Variants in POMT2 observed in about 807,000 individuals in gnomAD.
POMT2 encodes the protein protein O-mannosyltransferase 2.
In POMT2, 75 loss-of-function variants were observed where a neutral mutation model predicts 100.0. The ratio of observed to expected loss-of-function variants is 0.75; its 90% confidence interval spans 0.62 to 0.91. POMT2 has a LOEUF of 0.91. Among genes scored for constraint, POMT2 ranks in the 40% least tolerant of loss-of-function variants. POMT2 has a pLI of 0.00. For missense variants in POMT2, 940 were observed against 955.1 expected, an observed-to-expected ratio of 0.98 and a Z score of 0.21; for synonymous variants, 378 against 374.1, an observed-to-expected ratio of 1.01 and a Z score of -0.12.
intron 8 of POMT2, among the ~76,000 whole-genome samples, 163 bp downstream of exon 8, chr14:77,298,526 T>A (rs1235512046): frequency 1.3e-5 from 2 of 152,230 alleles, no homozygotes; most frequent in Non-Finnish European, 2.9e-5. Context: ...CTCTCCTCTG[T>A]CCTGATTCAC....
intron 10 of POMT2, among the ~76,000 whole-genome samples, chr14:77,290,371 C>T (rs1213394166): frequency 6.6e-6 from 1 of 152,144 alleles, no homozygotes; most frequent in Non-Finnish European, 1.5e-5. Flanking sequence ...CCAATGGTGT[C>T]GTAATTTATC....
Position 77,302,946 on chromosome 14 carries a change from G to A in POMT2, c.548-3C>T, listed in dbSNP as rs762433692. 1.2e-6 allele frequency: 2 copies of A among 1,606,318 alleles called. No individual in the cohort carries two copies. Among genetic ancestry groups the A allele is most frequent in the Non-Finnish European group, 8.5e-7 (1 of 1,173,766 alleles). ...GGACAGAGTGAGGCATCCCGTGTCT[G>A]AAAAACATGAGCTCGCTGGTGAAAA... On this transcript the variant is annotated splice_polypyrimidine_tract_variant and splice_region_variant and intron_variant, in intron 4 of 20. Transcript: ENST00000261534.
chr14:77,289,482 T>G (rs1002335248), intron 10 of POMT2, among the ~76,000 whole-genome samples: 2 of 152,066 alleles, frequency 1.3e-5, no homozygotes. Flanking sequence ...TGGGAACAGA[T>G]GAGGCTATGA....
At position 77,278,468 on chromosome 14, in the gene POMT2, G is replaced by T; in HGVS notation, c.2073C>A (p.Gly691=). 1.3e-6 allele frequency: 2 copies of T among 1,506,042 alleles called. No homozygotes were observed. The highest frequency in any genetic ancestry group is 9.0e-7 in the Non-Finnish European group (1 of 1,105,674). The allele number at this position is 1,506,042 out of a possible 1,614,324, so 93.3% of individuals were successfully genotyped here. ...WDTLLRLCAW[G]LASWPLARGI... ...CCCTCGCCAGGGGCCATGAGGCCAA[G>T]CCCCAGGCACAGAGCCGCAGGAGGG... Residue 691 remains glycine (G), a synonymous_variant, in exon 20 of 21, where the codon GGC becomes GGA. Transcript: ENST00000261534.
intron 9 of POMT2, among the ~76,000 whole-genome samples, chr14:77,293,235 G>T (rs1594790301): frequency 1.3e-5 from 2 of 152,342 alleles, no homozygotes; most frequent in East Asian, 1.9e-4. Context: ...AAGGTTCTAT[G>T]ATGCTCGTGT....
intron 10 of POMT2, among the ~76,000 whole-genome samples, chr14:77,289,977 C>G (rs1442774623): frequency 6.6e-6 from 1 of 152,150 alleles, no homozygotes; most frequent in Non-Finnish European, 1.5e-5. Flanking sequence ...AGAACTCAAC[C>G]GCAGAGACAC....
intron 1 of POMT2, 37 bp downstream of exon 1, chr14:77,320,397 T>C: frequency 6.5e-7 from 1 of 1,544,096 alleles, no homozygotes. Flanking sequence ...CCCGTCGCGG[T>C]TGCCATGGTG....
Position 77,312,072 on chromosome 14 carries a change from T to C in POMT2, c.249-39A>G, listed in dbSNP as rs756621711. 4.4e-6 allele frequency: 7 copies of C among 1,607,948 alleles called. No homozygotes were observed. In the Admixed American group the frequency reaches 1.2e-4, roughly 27 times the overall value. ...AGAAAGAGAAACAAGAATTTTAAAA[T>C]TATCATAAAATCCAAATGGCCTTCA... On this transcript the variant is annotated intron_variant, in intron 1 of 20. Coordinates refer to ENST00000261534, the MANE Select transcript of POMT2 (RefSeq NM_013382.7).
At chr14:77,288,266 T>C (rs886271741) in intron 11 of POMT2, among the ~76,000 whole-genome samples, 2 of 152,264 alleles carry the variant, frequency 1.3e-5, no homozygotes, top group Non-Finnish European at 2.9e-5. Context: ...GAAGTCTTTA[T>C]ATTATTCCAG....
chr14:77,281,620 C>T (rs1324712953), intron 15 of POMT2, among the ~76,000 whole-genome samples: 1 of 152,170 alleles, frequency 6.6e-6, no homozygotes. Flanking sequence ...AGGCATTTCC[C>T]CAGAAGGGGA....
intron 11 of POMT2, chr14:77,287,626 G>A (rs1890482553): frequency 6.6e-6 from 1 of 150,416 alleles, no homozygotes; most frequent in African/African-American, 2.4e-5. Flanking sequence ...TCTATGAAAT[G>A]TTTACGGGGC....
intron 3 of POMT2, among the ~76,000 whole-genome samples, chr14:77,305,341 CCT>C (rs1246044045): frequency 2.0e-5 from 3 of 152,084 alleles, no homozygotes; most frequent in Admixed American, 6.6e-5. Context: ...TAGCTGGATA[CCT>C]GTTTGGTTTT....
intron 7 of POMT2, 127 bp downstream of exon 7, chr14:77,299,328 G>C: frequency 1.2e-6 from 1 of 834,436 alleles, no homozygotes; most frequent in South Asian, 1.4e-5. Flanking sequence ...GAAAGAAACA[G>C]GAAAAAGCCC....
At chr14:77,286,316 A>G (rs1293239848) in intron 12 of POMT2, among the ~76,000 whole-genome samples, 1 of 152,232 alleles carries the variant, frequency 6.6e-6, no homozygotes, top group Non-Finnish European at 1.5e-5. Context: ...TACAAAAGCT[A>G]TGGATAATAT....
intron 3 of POMT2, 123 bp downstream of exon 3, chr14:77,306,214 C>A: frequency 6.6e-7 from 1 of 1,518,130 alleles, no homozygotes; most frequent in Non-Finnish European, 8.9e-7. Context: ...ATCCTCCCCT[C>A]TCCTCACCAC....
At chr14:77,288,921 G>T in intron 10 of POMT2, 90 bp from the exon 11 acceptor site, 2 of 1,107,944 alleles carry the variant, frequency 1.8e-6, no homozygotes, top group Non-Finnish European at 2.8e-6. Context: ...ATAGTACCAT[G>T]TGGTATCTGC....
intron 9 of POMT2, among the ~76,000 whole-genome samples, chr14:77,295,116 C>T (rs970096671): frequency 7.2e-5 from 11 of 152,172 alleles, no homozygotes; most frequent in Non-Finnish European, 1.5e-4. Context: ...CAGGCCTCTC[C>T]CCAATATGGC....
rs569166819 is a variant in POMT2, at chr14:77,315,601, A to G, written c.249-3568T>C. ...GATACTGATCCCATAAGTGTCGAAG[A>G]GGATTATCCTGGGCAAGGGCTGCTG... On this transcript the variant is annotated intron_variant, in intron 1 of 20. Coordinates refer to ENST00000261534, the MANE Select transcript of POMT2 (RefSeq NM_013382.7). Among the ~76,000 whole-genome samples, 31 of 152,314 alleles carry G rather than the reference A, an allele frequency of 2.0e-4. No individual in the cohort carries two copies. The East Asian group carries it at 5.8e-3, about 28-fold the overall frequency.
intron 15 of POMT2, among the ~76,000 whole-genome samples, chr14:77,281,312 C>T (rs1174902764): frequency 2.6e-5 from 4 of 152,072 alleles, no homozygotes; most frequent in African/African-American, 9.7e-5. Flanking sequence ...TCCCTAAACA[C>T]ACTCCATGAC....
Sources: gnomAD v4.1 joint callset for allele counts (sites outside exome capture counted in the v4.1 genomes callset) on GRCh38, gnomAD v4.1.1 for gene constraint, MANE v1.5 for transcripts, NCBI Gene and HGNC (gene_info 2026-07-23, HGNC 2026-07-21) for gene names.